UBR3: variants seen among roughly 807,000 people sequenced by gnomAD.
UBR3 encodes the protein ubiquitin protein ligase E3 component n-recognin 3.
A neutral mutation model predicts 243.2 loss-of-function variants in UBR3; 85 were observed. The ratio of observed to expected loss-of-function variants is 0.35; its 90% CI spans 0.29 to 0.42. The LOEUF is 0.42. Among genes scored for constraint, UBR3 ranks in the 10% least tolerant of loss-of-function variants. The probability of loss-of-function intolerance (pLI) is 1.00; values close to 1 mark genes in which losing one functional copy is unlikely to be tolerated. For missense variants in UBR3, 1,686 were observed against 2,300.8 expected, an observed-to-expected ratio of 0.73 and a Z score of 5.47; for synonymous variants, 748 against 799.8, an observed-to-expected ratio of 0.94 and a Z score of 1.09.
intron 25 of UBR3, among the ~76,000 whole-genome samples, chr2:169,991,663 A>G (rs1281984141): frequency 6.6e-6 from 1 of 152,078 alleles, no homozygotes; most frequent in African/African-American, 2.4e-5. Context: ...GCTCACTGCA[A>G]GCTCCGTTTC....
chr2:169,906,838 C>T (rs367598449), intron 10 of UBR3, among the ~76,000 whole-genome samples: 2 of 152,170 alleles, frequency 1.3e-5, no homozygotes, highest in South Asian at 4.1e-4. Flanking sequence ...AGTCTGTTTA[C>T]TGACCTTTTA....
intron 24 of UBR3, among the ~76,000 whole-genome samples, chr2:169,968,718 G>A (rs561013719): frequency 1.2e-4 from 18 of 152,270 alleles, no homozygotes; most frequent in Middle Eastern, 3.4e-3. Flanking sequence ...CACTTGGATT[G>A]CTGGGTCATT....
rs1253139321 is a variant in UBR3, at chr2:169,836,076, T to A, written c.545+8024T>A. ...ATATATATATATATATATTTTTTTT[T>A]TTTTTTTTTTTTTTTTTGAGATGGA... On this transcript the variant is annotated intron_variant, in intron 1 of 38. Coordinates refer to ENST00000272793, the MANE Select transcript of UBR3 (RefSeq NM_172070.4). Among the ~76,000 whole-genome samples, 249 of 82,254 alleles carry A rather than the reference T, an allele frequency of 3.0e-3. 9 individuals carry two copies. The highest frequency in any genetic ancestry group is 8.7e-3 in the African/African-American group (197 of 22,550). The allele number at this position is 82,254 out of a possible 152,430, so 54.0% of individuals were successfully genotyped here. A position where few individuals can be genotyped will look rare whatever the true frequency, so the allele number is the denominator to read the frequency against.
chr2:169,926,573 ACT>A, intron 14 of UBR3, 117 bp from the exon 15 acceptor site: 8 of 1,064,126 alleles, frequency 7.5e-6, no homozygotes, highest in Non-Finnish European at 1.1e-5. Flanking sequence ...TGAGAGTGAG[ACT>A]CTGTCTCAAA....
intron 1 of UBR3, 101 bp downstream of exon 1, chr2:169,828,153 G>C (rs1337042539): frequency 7.7e-6 from 10 of 1,299,230 alleles, no homozygotes; most frequent in Non-Finnish European, 8.8e-6. Context: ...CTGTCAAGGG[G>C]AGGGTGCGGG....
chr2:169,923,701 A>G (rs2085794208), intron 11 of UBR3, among the ~76,000 whole-genome samples: 1 of 152,200 alleles, frequency 6.6e-6, no homozygotes, highest in Non-Finnish European at 1.5e-5. Flanking sequence ...AGAGGATTCA[A>G]AGTTGAGTAG....
chr2:169,995,425 A>C (rs1423974509), intron 26 of UBR3, among the ~76,000 whole-genome samples: 1 of 152,212 alleles, frequency 6.6e-6, no homozygotes, highest in Non-Finnish European at 1.5e-5. Context: ...GAAATGTTTT[A>C]GGTCTTTAGA....
At chr2:170,080,792 C>G in intron 38 of UBR3, 108 bp downstream of exon 38, 1 of 1,224,578 alleles carries the variant, frequency 8.2e-7, no homozygotes, top group Non-Finnish European at 1.1e-6. Flanking sequence ...TTAAGAAATT[C>G]TGACAGTCAT....
chr2:170,067,180 C>T (rs915129029), intron 35 of UBR3, among the ~76,000 whole-genome samples: 5 of 152,046 alleles, frequency 3.3e-5, no homozygotes, highest in African/African-American at 1.2e-4. Context: ...CTGTTCCTTG[C>T]CACACAAAAC....
intron 18 of UBR3, among the ~76,000 whole-genome samples, chr2:169,930,673 C>T (rs2086088615): frequency 6.6e-6 from 1 of 152,166 alleles, no homozygotes; most frequent in Admixed American, 6.5e-5. Flanking sequence ...GTGTGAACCG[C>T]CATGCCTAGC....
Position 170,079,915 on chromosome 2 carries a change from T to C in UBR3, c.5301T>C (p.Ser1767=). The part of the protein sequence containing the change: ...IFQYYHRKTC[S]VCTKVPKDPA... The stretch of plus-strand genomic sequence containing the variant: ...AGTACTACCACAGAAAAACCTGTAG[T>C]GTCTGCACCAAGGTTCCTAAAGATC... The change falls in exon 37 of 39, where the codon AGT becomes AGC. Residue 1767 remains serine (S), a synonymous_variant. Transcript: ENST00000272793. The C allele has an allele frequency of 1.2e-6, 2 of 1,614,116 alleles. No individual in the cohort carries two copies. Among genetic ancestry groups the C allele is most frequent in the East Asian group, 2.2e-5 (1 of 44,858 alleles).
rs746515522 is a variant in UBR3 at position 169,827,513 on chromosome 2, G to GGCGGCGGCC, written c.17_25dup (p.Ala6_Ala8dup). 1.6e-6 allele frequency: 2 copies of GGCGGCGGCC among 1,229,638 alleles called. No homozygotes were observed. Among genetic ancestry groups the GGCGGCGGCC allele is most frequent in the South Asian group, 4.1e-5 (1 of 24,412 alleles). The allele number at this position is 1,229,638 out of a possible 1,614,324, so 76.2% of individuals were successfully genotyped here. The stretch of plus-strand genomic sequence containing the variant: ...CCAAATTCTGAGCTCTCATCATGGC[G>GGCGGCGGCC]GCGGCGGCCGCGGCGGCCGTCGGGG... On this transcript the variant is annotated inframe_insertion, in exon 1 of 39. Coordinates refer to ENST00000272793, the MANE Select transcript of UBR3 (RefSeq NM_172070.4).
chr2:170,038,598 T>C (rs996902696), intron 31 of UBR3, among the ~76,000 whole-genome samples: 2 of 152,138 alleles, frequency 1.3e-5, no homozygotes, highest in Admixed American at 6.6e-5. Flanking sequence ...GAAGTAGAGA[T>C]AGAGTCATTA....
At chr2:169,865,025 G>A (rs1024455386) in intron 1 of UBR3, among the ~76,000 whole-genome samples, 1 of 152,026 alleles carries the variant, frequency 6.6e-6, no homozygotes, top group African/African-American at 2.4e-5. Flanking sequence ...GGTGGAGGCT[G>A]TGGTGAGCCG....
intron 19 of UBR3, among the ~76,000 whole-genome samples, chr2:169,935,054 A>G (rs2086273394): frequency 6.6e-6 from 1 of 152,190 alleles, no homozygotes; most frequent in Non-Finnish European, 1.5e-5. Flanking sequence ...CAAAAACAAT[A>G]CAACAACAAC....
At chr2:170,004,633 A>G (rs2089840674) in intron 27 of UBR3, among the ~76,000 whole-genome samples, 1 of 152,144 alleles carries the variant, frequency 6.6e-6, no homozygotes, top group Non-Finnish European at 1.5e-5. Flanking sequence ...TTTGGGGGCC[A>G]GGTACGGTGG....
Position 169,906,151 on chromosome 2 carries a change from A to G in UBR3, c.1766A>G (p.His589Arg), listed in dbSNP as rs2085001163. 3 of 1,541,868 alleles carry G rather than the reference A, an allele frequency of 1.9e-6. No individual in the cohort carries two copies. Among genetic ancestry groups the G allele is most frequent in the South Asian group, 2.5e-5 (2 of 81,448 alleles). The part of the protein sequence containing the change: ...CAQPMWGLLS[H>R]CKVRETQEYT... ...CAGCCAATGTGGGGGCTTTTATCAC[A>G]TTGTAAAGTTAGGGTATGTTGGAAA... Residue 589 changes from histidine to arginine, a missense_variant, in exon 10 of 39, where the codon CAT becomes CGT. This residue lies in a region of UBR3 where 346 missense variants were observed against 585.8 expected (regional missense o/e 0.59). Coordinates refer to ENST00000272793, the MANE Select transcript of UBR3 (RefSeq NM_172070.4).
rs1226703409 is a variant in UBR3, at chr2:169,929,341, G to A, written c.2566+473G>A. ...TGTAATCCCAGCACTTTGGGAGGCC[G>A]AGGTGGCTGGATCACCTGAGGTCAG... On this transcript the variant is annotated intron_variant, in intron 18 of 38. Coordinates refer to ENST00000272793, the MANE Select transcript of UBR3 (RefSeq NM_172070.4). 2.6e-5 allele frequency among the ~76,000 whole-genome samples: 4 copies of A among 152,114 alleles called. No homozygotes were observed. In the East Asian group the frequency reaches 5.8e-4, roughly 22 times the overall value.
At chr2:169,978,300 G>A (rs544785896) in intron 24 of UBR3, among the ~76,000 whole-genome samples, 3 of 152,222 alleles carry the variant, frequency 2.0e-5, no homozygotes, top group Admixed American at 6.5e-5. Flanking sequence ...GAGGGGCTGT[G>A]GGGCCTGGGT....
Sources: gnomAD v4.1 joint callset for allele counts (sites outside exome capture counted in the v4.1 genomes callset) on GRCh38, gnomAD v4.1.1 for gene constraint, gnomAD v4.1.1 regional missense constraint, MANE v1.5 for transcripts, NCBI Gene and HGNC (gene_info 2026-07-23, HGNC 2026-07-21) for gene names.